The following PLEK2 variants were observed in gnomAD, a reference collection of about 807,000 sequenced individuals.
PLEK2 encodes the protein pleckstrin 2.
PLEK2 carries 29 observed loss-of-function variants against 43.8 expected under a neutral mutation model. The observed-to-expected ratio is 0.66, with a 90% CI of 0.49 to 0.90. PLEK2 has a LOEUF of 0.90. PLEK2 is among the 40% of genes least tolerant of loss of function. The pLI is 0.00. For synonymous variants in PLEK2, 162 were observed against 173.2 expected, an observed-to-expected ratio of 0.94 and a Z score of 0.51; for missense variants, 398 against 448.1, an observed-to-expected ratio of 0.89 and a Z score of 1.01.
Position 67,412,119 on chromosome 14 carries a change from G to A in PLEK2, c.-60C>T, listed in dbSNP as rs1308271418. On this transcript the variant is annotated 5_prime_UTR_variant, in exon 1 of 9. Coordinates refer to ENST00000216446, the MANE Select transcript of PLEK2 (RefSeq NM_016445.3). ...GCCTTCCCCGCGCCTCGCGCTCCTC[G>A]GCACCCGCGCAGCCCGCGCAGTCCG... The A allele has an allele frequency of 1.0e-4, 148 of 1,423,406 alleles. No individual in the cohort carries two copies. The highest frequency in any genetic ancestry group is 1.3e-4 in the Non-Finnish European group (142 of 1,082,052). The allele number at this position is 1,423,406 out of a possible 1,614,324, so 88.2% of individuals were successfully genotyped here.
In PLEK2 at chr14:67,412,003, T is replaced by C. The variant is rs754551447; in HGVS notation, c.42+15A>G. ...CCCCACCCGGGCAATGTCCCGAAGC[T>C]CGACGCGCACTCACCCTCTTGACCA... is the stretch of plus-strand genomic sequence containing the variant. On this transcript the variant is annotated intron_variant, in intron 1 of 8. Coordinates refer to ENST00000216446, the MANE Select transcript of PLEK2 (RefSeq NM_016445.3). 6.9e-5 allele frequency: 106 copies of C among 1,544,272 alleles called. No individual in the cohort carries two copies. The highest frequency in any genetic ancestry group is 9.0e-5 in the Non-Finnish European group (103 of 1,146,886).
Position 67,392,419 on chromosome 14 carries a change from GCT to G in PLEK2, c.676_677del (p.Ser226LeufsTer12). The G allele has an allele frequency of 6.2e-7, 1 of 1,611,934 alleles. No individual in the cohort carries two copies. Among genetic ancestry groups the G allele is most frequent in the Admixed American group, 1.7e-5 (1 of 60,016 alleles). Reference sequence around the variant, plus strand: ...CCTTGGGGCTTATCTTCTTTTTGTAGCTCTCAGCCTAGGGGGAAGGAGGGAGC... The same window carrying G: ...CCTTGGGGCTTATCTTCTTTTTGTAGCTCAGCCTAGGGGGAAGGAGGGAGC... The part of the protein sequence containing the change: ...DSTALYTFAE[S>X]YKKKISPKEE... On this transcript the variant is annotated frameshift_variant, in exon 6 of 9. Transcript: ENST00000216446. LOFTEE classifies it high-confidence loss of function.
chr14:67,410,131 C>T (rs1280642323), intron 1 of PLEK2, among the ~76,000 whole-genome samples: 4 of 152,100 alleles, frequency 2.6e-5, no homozygotes, highest in Admixed American at 6.6e-5. Flanking sequence ...AACCAGGCCA[C>T]CCAGAAGAGA....
chr14:67,394,512 C>G (rs969781315), intron 3 of PLEK2, among the ~76,000 whole-genome samples: 1 of 152,184 alleles, frequency 6.6e-6, no homozygotes, highest in Non-Finnish European at 1.5e-5. Flanking sequence ...TTAAACCCAC[C>G]TGCCTACCCA....
Position 67,397,687 on chromosome 14 carries a change from G to C in PLEK2, c.182C>G (p.Pro61Arg), listed in dbSNP as rs1175808285. 6.2e-7 allele frequency: 1 copy of C among 1,612,944 alleles called. No homozygotes were observed. Among genetic ancestry groups the C allele is most frequent in the Non-Finnish European group, 8.5e-7 (1 of 1,179,544 alleles). The change falls in exon 2 of 9, where the codon CCC becomes CGC. Residue 61 changes from proline (P) to arginine (R), a missense_variant. Physicochemically the swap from Pro to Arg is moderately radical, Grantham distance 103. Transcript: ENST00000216446. Reference sequence around the variant, plus strand: ...CGGTCGGTTTTCATACTCCAGGCAGGGGCAGGTGATGGTGCAGCCATCCAG... The same window carrying C: ...CGGTCGGTTTTCATACTCCAGGCAGCGGCAGGTGATGGTGCAGCCATCCAG... ...ILLDGCTITC[P>R]CLEYENRPLL...
chr14:67,390,144 G>A (rs1013208723), intron 7 of PLEK2, among the ~76,000 whole-genome samples: 5 of 152,134 alleles, frequency 3.3e-5, no homozygotes, highest in Non-Finnish European at 4.4e-5. Flanking sequence ...GTAATACCTA[G>A]TATCAGAAAC....
chr14:67,407,171 G>C (rs1011331477), intron 1 of PLEK2, among the ~76,000 whole-genome samples: 1 of 152,044 alleles, frequency 6.6e-6, no homozygotes, highest in Non-Finnish European at 1.5e-5. Flanking sequence ...GCCCGGGCTA[G>C]AGTGCTGTGG....
chr14:67,390,572 G>T, intron 7 of PLEK2, 91 bp downstream of exon 7: 1 of 905,734 alleles, frequency 1.1e-6, no homozygotes, highest in Non-Finnish European at 1.8e-6. Flanking sequence ...GGGGAAGGCA[G>T]GATATCCAGC....
intron 1 of PLEK2, among the ~76,000 whole-genome samples, chr14:67,411,136 C>CA (rs925514488): frequency 0.15 from 7,765 of 50,948 alleles, 617 homozygotes; most frequent in East Asian, 0.46. Flanking sequence ...GACCCTGTCT[C>CA]AAAAAAAAAA....
intron 6 of PLEK2, among the ~76,000 whole-genome samples, chr14:67,391,538 A>T (rs578055188): frequency 1.2e-4 from 19 of 152,168 alleles, no homozygotes; most frequent in Non-Finnish European, 2.4e-4. Flanking sequence ...CCTGATATGC[A>T]GGAAGCAGGT....
chr14:67,397,096 G>T (rs949068444), intron 2 of PLEK2, among the ~76,000 whole-genome samples: 1 of 144,530 alleles, frequency 6.9e-6, no homozygotes, highest in Non-Finnish European at 1.5e-5. Flanking sequence ...CTGCGACCAC[G>T]CTCAGCTAGT....
chr14:67,388,139 G>T, intron 8 of PLEK2, 85 bp downstream of exon 8: 1 of 853,028 alleles, frequency 1.2e-6, no homozygotes, highest in Non-Finnish European at 2.0e-6. Context: ...GGCTCCCAAA[G>T]CTGTCATTTC....
Position 67,389,490 on chromosome 14 carries a change from A to G in PLEK2, c.855+1173T>C, listed in dbSNP as rs145191269. ...TGTACCTGCAGCCCAGAGATTTGGC[A>G]ATTCTTTTATTTCCTTTGCACACTT... On this transcript the variant is annotated intron_variant, in intron 7 of 8. Coordinates refer to ENST00000216446, the MANE Select transcript of PLEK2 (RefSeq NM_016445.3). Among the ~76,000 whole-genome samples, 209 of 152,250 alleles carry G rather than the reference A, an allele frequency of 1.4e-3. 5 individuals carry two copies. The East Asian group carries it at 0.023, about 17-fold the overall frequency.
At chr14:67,388,022 A>G (rs2085939153) in intron 8 of PLEK2, among the ~76,000 whole-genome samples, 1 of 152,228 alleles carries the variant, frequency 6.6e-6, no homozygotes, top group Non-Finnish European at 1.5e-5. Context: ...TATTAACATA[A>G]GGATTACTTA....
At chr14:67,408,628 C>T (rs576407923) in intron 1 of PLEK2, among the ~76,000 whole-genome samples, 4 of 152,202 alleles carry the variant, frequency 2.6e-5, no homozygotes, top group African/African-American at 9.6e-5. Context: ...ACAGTGGTTG[C>T]ACTGAAGTAT....
At chr14:67,389,786 T>A (rs2085953948) in intron 7 of PLEK2, among the ~76,000 whole-genome samples, 1 of 152,036 alleles carries the variant, frequency 6.6e-6, no homozygotes, top group Non-Finnish European at 1.5e-5. Context: ...TTTTTTTTTT[T>A]TTTAAGTGTT....
chr14:67,392,292 G>A lies in PLEK2; in HGVS notation c.771+34C>T, dbSNP rs369611787. On this transcript the variant is annotated intron_variant, in intron 6 of 8. Transcript: ENST00000216446. The stretch of plus-strand genomic sequence containing the variant: ...GCTCCCTCCCCTAAGCTTGAGAACT[G>A]TCCATCTCTCTTCCCTGCTCATAGC... The A allele has an allele frequency of 4.3e-5, 58 of 1,338,158 alleles. No homozygotes were observed. In the Middle Eastern group the frequency reaches 9.2e-4, roughly 21 times the overall value. 82.9% of individuals were successfully genotyped at this position (1,338,158 alleles called of 1,614,324 possible). A position where few individuals can be genotyped will look rare whatever the true frequency, so the allele number is the denominator to read the frequency against.
In PLEK2 at chr14:67,397,781, G is replaced by C; in HGVS notation, c.88C>G (p.Gln30Glu). ...AGCTTGTAGTACACCAGCGTGTTCT[G>C]CCGAAGGATGAACCATCGCGCCTTC... is the stretch of plus-strand genomic sequence containing the variant. ...NWKARWFILR[Q>E]NTLVYYKLEG... Residue 30 changes from glutamine (Q) to glutamate (E), a missense_variant, in exon 2 of 9, where the codon CAG becomes GAG. Transcript: ENST00000216446. 1 of 1,613,196 alleles carries C rather than the reference G, an allele frequency of 6.2e-7. No individual in the cohort carries two copies. The highest frequency in any genetic ancestry group is 8.5e-7 in the Non-Finnish European group (1 of 1,179,526).
chr14:67,403,291 G>A (rs2086060326), intron 1 of PLEK2, among the ~76,000 whole-genome samples: 1 of 152,108 alleles, frequency 6.6e-6, no homozygotes, highest in South Asian at 2.1e-4. Context: ...GTCAAACATG[G>A]GAAAACAAGA....
Sources: allele counts gnomAD v4.1 joint callset (sites outside exome capture counted in the v4.1 genomes callset), GRCh38; gene constraint gnomAD v4.1.1; transcripts MANE v1.5; gene names NCBI Gene and HGNC (gene_info 2026-07-23, HGNC 2026-07-21).